Variants in CHMP4C observed in about 807,000 individuals in gnomAD.
CHMP4C encodes charged multivesicular body protein 4C.
A neutral mutation model predicts 29.0 loss-of-function variants in CHMP4C; 28 were observed. The ratio of observed to expected loss-of-function variants is 0.97; its 90% CI spans 0.72 to 1.32. The LOEUF (loss-of-function observed/expected upper bound fraction) is 1.32, where lower values mean the gene tolerates loss of function less well. Among genes scored for constraint, CHMP4C ranks in the 40% most tolerant of loss-of-function variants. The pLI is 0.00. For synonymous variants in CHMP4C, 106 were observed against 102.4 expected (o/e 1.04, Z -0.21); for missense variants, 291 against 281.0 (o/e 1.04, Z -0.25).
chr8:81,734,810 A>G (rs956713824), intron 1 of CHMP4C, among the ~76,000 whole-genome samples: 1 of 152,226 alleles, frequency 6.6e-6, no homozygotes, highest in African/African-American at 2.4e-5. Context: ...AATAAAGACA[A>G]AAAATTTAAA....
chr8:81,747,992 C>G (rs1808848314), intron 1 of CHMP4C, among the ~76,000 whole-genome samples: 1 of 152,120 alleles, frequency 6.6e-6, no homozygotes, highest in South Asian at 2.1e-4. Context: ...CGGAGTCTAT[C>G]TCACCTCTGC....
intron 1 of CHMP4C, among the ~76,000 whole-genome samples, chr8:81,751,788 G>C (rs2130492410): frequency 6.6e-6 from 1 of 151,906 alleles, no homozygotes; most frequent in Admixed American, 6.6e-5. Flanking sequence ...TATCTAAATG[G>C]GTCAAAAACA....
At chr8:81,743,978 C>T (rs558575604) in intron 1 of CHMP4C, among the ~76,000 whole-genome samples, 35 of 152,286 alleles carry the variant, frequency 2.3e-4, no homozygotes, top group Middle Eastern at 3.4e-3. Flanking sequence ...TACTAGCTTG[C>T]TTATAGCAAT....
chr8:81,755,007 C>A (rs1808952284), intron 2 of CHMP4C, among the ~76,000 whole-genome samples: 1 of 152,072 alleles, frequency 6.6e-6, no homozygotes, highest in Non-Finnish European at 1.5e-5. Context: ...TTACAGTGGT[C>A]CTGGTGGTCT....
intron 2 of CHMP4C, among the ~76,000 whole-genome samples, chr8:81,753,488 T>C (rs1379338248): frequency 1.3e-5 from 2 of 152,198 alleles, no homozygotes; most frequent in African/African-American, 4.8e-5. Flanking sequence ...CTGGAAACTG[T>C]ACCTGTAAAT....
chr8:81,758,314 C>T lies in CHMP4C; in HGVS notation c.637+19C>T, dbSNP rs1808997911. On this transcript the variant is annotated intron_variant, in intron 4 of 4. Transcript: ENST00000297265. ...CGAGCAGGTCTGTTACCCAGCTCAA[C>T]TACATGTGGTCAGATAGTTGCCTAA... is the stretch of plus-strand genomic sequence containing the variant. 1 of 1,613,268 alleles carries T rather than the reference C, an allele frequency of 6.2e-7. No homozygotes were observed. The highest frequency in any genetic ancestry group is 1.3e-5 in the African/African-American group (1 of 74,920).
intron 1 of CHMP4C, among the ~76,000 whole-genome samples, chr8:81,734,033 T>C (rs1320423218): frequency 6.6e-6 from 1 of 152,210 alleles, no homozygotes; most frequent in Admixed American, 6.5e-5. Flanking sequence ...AAGGCTGTTT[T>C]ATTGCATATA....
chr8:81,754,258 A>G (rs949825909), intron 2 of CHMP4C, among the ~76,000 whole-genome samples: 2 of 152,166 alleles, frequency 1.3e-5, no homozygotes, highest in Admixed American at 1.3e-4. Context: ...GTGTCACAAA[A>G]TCAGCCTTTC....
At chr8:81,743,593 A>C (rs1462695436) in intron 1 of CHMP4C, among the ~76,000 whole-genome samples, 2 of 152,188 alleles carry the variant, frequency 1.3e-5, no homozygotes, top group African/African-American at 4.8e-5. Context: ...CCAGCAATTG[A>C]CTTCTGAAGC....
At chr8:81,749,927 G>T (rs937371261) in intron 1 of CHMP4C, among the ~76,000 whole-genome samples, 1 of 152,176 alleles carries the variant, frequency 6.6e-6, no homozygotes, top group Non-Finnish European at 1.5e-5. Flanking sequence ...CTGCCCTAGA[G>T]ATGTGTGGAA....
At position 81,758,171 on chromosome 8, in the gene CHMP4C, G is replaced by A. The variant is rs1262182842; in HGVS notation, c.513G>A (p.Leu171=). The A allele has an allele frequency of 6.2e-7, 1 of 1,613,848 alleles. No homozygotes were observed. The highest frequency in any genetic ancestry group is 1.7e-5 in the Admixed American group (1 of 59,944). Residue 171 remains leucine (L), a synonymous_variant, in exon 4 of 5, where the codon TTG becomes TTA. Transcript: ENST00000297265. ...AGTTGATGGCAGAACTTGAAGAATT[G>A]GAACAGGAGGAATTAAATAAGAAGA... The part of the protein sequence containing the change: ...EDELMAELEE[L]EQEELNKKMT...
At chr8:81,745,863 A>G (rs1186514093) in intron 1 of CHMP4C, among the ~76,000 whole-genome samples, 1 of 152,166 alleles carries the variant, frequency 6.6e-6, no homozygotes, top group Non-Finnish European at 1.5e-5. Context: ...AAGCACATAC[A>G]GGAGTTTGGA....
intron 1 of CHMP4C, among the ~76,000 whole-genome samples, chr8:81,743,620 TG>T (rs1808789485): frequency 8.5e-5 from 13 of 152,204 alleles, no homozygotes; most frequent in Admixed American, 8.5e-4. Context: ...TTACAAGAGA[TG>T]AGAATTTTAG....
intron 1 of CHMP4C, among the ~76,000 whole-genome samples, chr8:81,735,362 G>A (rs182382291): frequency 5.3e-5 from 8 of 152,290 alleles, no homozygotes; most frequent in East Asian, 3.9e-4. Context: ...AGGCTCCTGC[G>A]TTGGTAACAC....
chr8:81,743,391 T>C (rs1015051937), intron 1 of CHMP4C, among the ~76,000 whole-genome samples: 1 of 151,918 alleles, frequency 6.6e-6, no homozygotes, highest in African/African-American at 2.4e-5. Context: ...ATATTCTAGA[T>C]GATAACAGGC....
At chr8:81,752,717 A>G (rs1808918522) in intron 1 of CHMP4C, among the ~76,000 whole-genome samples, 1 of 152,160 alleles carries the variant, frequency 6.6e-6, no homozygotes, top group Non-Finnish European at 1.5e-5. Flanking sequence ...CTAATGGTTT[A>G]CTTTTCTATT....
At chr8:81,758,391 A>G in intron 4 of CHMP4C, 89 bp from the exon 5 acceptor site, 9 of 1,558,130 alleles carry the variant, frequency 5.8e-6, no homozygotes, top group Non-Finnish European at 7.9e-6. Context: ...TTCAAACTGA[A>G]CACATTTTTA....
chr8:81,756,388 T>C (rs1030785702), intron 3 of CHMP4C, among the ~76,000 whole-genome samples: 1 of 152,188 alleles, frequency 6.6e-6, no homozygotes, highest in Non-Finnish European at 1.5e-5. Flanking sequence ...ATATTACTAT[T>C]TGGGCCTTTA....
At chr8:81,739,330 A>T (rs1428709685) in intron 1 of CHMP4C, among the ~76,000 whole-genome samples, 2 of 142,024 alleles carry the variant, frequency 1.4e-5, no homozygotes, top group East Asian at 4.3e-4. Flanking sequence ...TTCAAATTAG[A>T]ATCAGTCATT....
Sources: gnomAD v4.1 joint callset for allele counts (sites outside exome capture counted in the v4.1 genomes callset) on GRCh38, gnomAD v4.1.1 for gene constraint, MANE v1.5 for transcripts, NCBI Gene and HGNC (gene_info 2026-07-23, HGNC 2026-07-21) for gene names.